The following GPC5 variants were observed in gnomAD, a reference collection of about 807,000 sequenced individuals.
GPC5 encodes the protein glypican 5, also known as glypican-5.
GPC5 carries 47 observed loss-of-function variants against 53.9 expected under a neutral mutation model. The ratio of observed to expected loss-of-function variants is 0.87; its 90% CI spans 0.69 to 1.11. The LOEUF is 1.11. Ranked by LOEUF, GPC5 falls within the 50% of genes most tolerant of loss-of-function variation. The pLI, the probability that GPC5 is intolerant of heterozygous loss-of-function variation, is 0.00. For synonymous variants in GPC5, 286 were observed against 263.3 expected (o/e 1.09, Z -0.84); for missense variants, 748 against 713.1 (o/e 1.05, Z -0.56).
At chr13:92,421,189 T>C (rs1876542614) in intron 7 of GPC5, among the ~76,000 whole-genome samples, 1 of 152,190 alleles carries the variant, frequency 6.6e-6, no homozygotes, top group Non-Finnish European at 1.5e-5. Context: ...ATCCCTTTTC[T>C]AAATGTAAGA....
At chr13:91,759,707 T>C (rs2037369284) in intron 5 of GPC5, among the ~76,000 whole-genome samples, 1 of 117,700 alleles carries the variant, frequency 8.5e-6, no homozygotes, top group Non-Finnish European at 1.8e-5. Context: ...TAGAATGAGA[T>C]TTTTTTTTTC....
chr13:92,072,121 T>TAATAAAATGATCATTTTATTAATGAATG (rs1254172630), intron 6 of GPC5, among the ~76,000 whole-genome samples: 1 of 146,950 alleles, frequency 6.8e-6, no homozygotes, highest in Non-Finnish European at 1.5e-5. Context: ...AATGAATGAT[T>TAATAAAATGATCATTTTATTAATGAATG]AATAAAATGA....
chr13:92,522,657 C>A (rs749493109), intron 7 of GPC5, among the ~76,000 whole-genome samples: 2 of 151,994 alleles, frequency 1.3e-5, no homozygotes, highest in Non-Finnish European at 2.9e-5. Flanking sequence ...TTAGGAGATA[C>A]ACCTAATGTA....
intron 6 of GPC5, among the ~76,000 whole-genome samples, chr13:92,099,406 T>G (rs1265611227): frequency 6.6e-6 from 1 of 152,190 alleles, no homozygotes; most frequent in Admixed American, 6.5e-5. Context: ...CGCTCTTTAG[T>G]GTCTTTCTTT....
At chr13:91,667,669 A>G (rs377085482) in intron 2 of GPC5, among the ~76,000 whole-genome samples, 2 of 152,272 alleles carry the variant, frequency 1.3e-5, no homozygotes, top group South Asian at 2.1e-4. Flanking sequence ...TGACCAAAGC[A>G]CACAGCATTC....
intron 7 of GPC5, among the ~76,000 whole-genome samples, chr13:92,342,776 G>A (rs2043377926): frequency 6.6e-6 from 1 of 151,956 alleles, no homozygotes; most frequent in African/African-American, 2.4e-5. Flanking sequence ...AATTCTCATT[G>A]TTTTTAAGAT....
intron 5 of GPC5, among the ~76,000 whole-genome samples, chr13:91,896,160 T>C (rs1380648009): frequency 1.4e-5 from 2 of 147,302 alleles, no homozygotes; most frequent in Non-Finnish European, 3.0e-5. Flanking sequence ...CGCTCTATCA[T>C]CCAGGCTGGA....
intron 2 of GPC5, among the ~76,000 whole-genome samples, chr13:91,628,928 T>C (rs535719911): frequency 6.6e-6 from 1 of 152,178 alleles, no homozygotes; most frequent in East Asian, 1.9e-4. Flanking sequence ...TGTTGAAATA[T>C]ACACTGGGAT....
intron 5 of GPC5, among the ~76,000 whole-genome samples, chr13:91,851,999 C>G (rs976108253): frequency 2.7e-5 from 4 of 150,820 alleles, no homozygotes; most frequent in Non-Finnish European, 5.9e-5. Context: ...GATTTATAGT[C>G]CTTTGGGTAT....
chr13:91,567,848 C>T (rs1308560478), intron 2 of GPC5, among the ~76,000 whole-genome samples: 1 of 152,084 alleles, frequency 6.6e-6, no homozygotes, highest in Admixed American at 6.6e-5. Context: ...GTGTCCCCAC[C>T]CAAATCTCAT....
At chr13:91,645,911 G>A (rs1194030460) in intron 2 of GPC5, among the ~76,000 whole-genome samples, 3 of 152,164 alleles carry the variant, frequency 2.0e-5, no homozygotes, top group Admixed American at 2.0e-4. Context: ...GACACACTTT[G>A]GATAGCACTG....
chr13:92,728,946 T>C (rs902222020), intron 7 of GPC5, among the ~76,000 whole-genome samples: 2 of 150,824 alleles, frequency 1.3e-5, no homozygotes, highest in African/African-American at 4.8e-5. Context: ...AAAGAGTCGA[T>C]TTACTTATCC....
intron 7 of GPC5, among the ~76,000 whole-genome samples, chr13:92,647,737 G>A (rs1250558124): frequency 6.6e-6 from 1 of 152,000 alleles, no homozygotes; most frequent in Non-Finnish European, 1.5e-5. Flanking sequence ...AGGCCACATG[G>A]TATCTTTAAT....
At chr13:92,007,313 T>C (rs2040616136) in intron 6 of GPC5, among the ~76,000 whole-genome samples, 3 of 152,220 alleles carry the variant, frequency 2.0e-5, no homozygotes, top group Admixed American at 1.3e-4. Flanking sequence ...ACAGTAGATA[T>C]ATTGGCTGAA....
intron 7 of GPC5, among the ~76,000 whole-genome samples, chr13:92,501,790 G>C (rs746453881): frequency 3.3e-5 from 5 of 152,156 alleles, no homozygotes; most frequent in Non-Finnish European, 5.9e-5. Context: ...TGGTGATCAG[G>C]AAAAGAAAGA....
chr13:92,817,021 G>T (rs1196560310), intron 7 of GPC5, among the ~76,000 whole-genome samples: 2 of 152,062 alleles, frequency 1.3e-5, no homozygotes, highest in Non-Finnish European at 2.9e-5. Flanking sequence ...AAATGGGTTG[G>T]TTCACCTAGT....
At chr13:91,939,734 A>T (rs2139043263) in intron 6 of GPC5, among the ~76,000 whole-genome samples, 1 of 152,278 alleles carries the variant, frequency 6.6e-6, no homozygotes, top group South Asian at 2.1e-4. Flanking sequence ...AGATTAGACC[A>T]CATATGAGAG....
At chr13:92,393,014 G>A (rs1009080825) in intron 7 of GPC5, among the ~76,000 whole-genome samples, 3 of 152,146 alleles carry the variant, frequency 2.0e-5, no homozygotes, top group African/African-American at 4.8e-5. Context: ...AGCTAAAAGC[G>A]TAAGTATCAT....
intron 1 of GPC5, among the ~76,000 whole-genome samples, chr13:91,430,962 C>A (rs547215451): frequency 3.9e-5 from 6 of 152,092 alleles, no homozygotes; most frequent in Non-Finnish European, 7.4e-5. Context: ...GCAGCCTTGA[C>A]CTCTTGGGCT....
Sources: allele counts gnomAD v4.1 joint callset (sites outside exome capture counted in the v4.1 genomes callset), GRCh38; gene constraint gnomAD v4.1.1; transcripts MANE v1.5; gene names NCBI Gene and HGNC (gene_info 2026-07-23, HGNC 2026-07-21).